The following VCPIP1 variants were observed in gnomAD, a reference collection of about 807,000 sequenced individuals.
VCPIP1 encodes the protein valosin containing protein interacting protein 1, also known as deubiquitinating protein VCPIP1.
In VCPIP1, 8 loss-of-function variants were observed where a neutral mutation model predicts 85.0. The ratio of observed to expected loss-of-function variants is 0.09; its 90% CI spans 0.06 to 0.17. The LOEUF is 0.17. Among genes scored for constraint, VCPIP1 ranks in the 10% least tolerant of loss-of-function variants. The pLI is 1.00. For missense variants in VCPIP1, 1,070 were observed against 1,486.3 expected (o/e 0.72, Z 4.61); for synonymous variants, 543 against 544.5 (o/e 1.00, Z 0.04).
At chr8:66,638,985 T>TAC (rs1554584188) in intron 2 of VCPIP1, among the ~76,000 whole-genome samples, 36 of 149,034 alleles carry the variant, frequency 2.4e-4, no homozygotes, top group Middle Eastern at 3.4e-3. Flanking sequence ...TATATATATA[T>TAC]ACATATATTT....
chr8:66,659,152 T>C (rs1811130804), intron 1 of VCPIP1, among the ~76,000 whole-genome samples: 2 of 151,858 alleles, frequency 1.3e-5, no homozygotes, highest in East Asian at 1.9e-4. Flanking sequence ...GTACCACCTA[T>C]CCTGTCTACC....
chr8:66,644,849 G>C (rs1021773566), intron 2 of VCPIP1, among the ~76,000 whole-genome samples: 3 of 151,890 alleles, frequency 2.0e-5, no homozygotes, highest in Admixed American at 1.3e-4. Context: ...TGTAATCCTA[G>C]CACTTTGGGA....
chr8:66,662,185 A>G (rs1285054537), intron 1 of VCPIP1, among the ~76,000 whole-genome samples: 1 of 152,178 alleles, frequency 6.6e-6, no homozygotes, highest in East Asian at 1.9e-4. Context: ...CCTGTACATC[A>G]AAACTTGTTA....
chr8:66,664,049 ACTTT>A (rs573052171), intron 1 of VCPIP1, among the ~76,000 whole-genome samples, 196 bp downstream of exon 1: 17 of 152,198 alleles, frequency 1.1e-4, no homozygotes, highest in East Asian at 1.9e-4. Context: ...GACTACCTTA[ACTTT>A]CTATTTTCCT....
intron 2 of VCPIP1, among the ~76,000 whole-genome samples, chr8:66,647,113 C>T (rs1811003933): frequency 1.3e-5 from 2 of 151,966 alleles, no homozygotes; most frequent in African/African-American, 4.8e-5. Flanking sequence ...GAGGCCAAGG[C>T]GGATGGACCA....
intron 1 of VCPIP1, among the ~76,000 whole-genome samples, chr8:66,659,031 C>T (rs1811128046): frequency 6.6e-6 from 1 of 152,072 alleles, no homozygotes; most frequent in Non-Finnish European, 1.5e-5. Flanking sequence ...CTGTTCTTCA[C>T]CTAAATCTGT....
intron 1 of VCPIP1, among the ~76,000 whole-genome samples, chr8:66,658,337 GAAA>G (rs776440765): frequency 1.8e-5 from 2 of 110,264 alleles, no homozygotes; most frequent in African/African-American, 3.5e-5. Flanking sequence ...CCATCTTGGG[GAAA>G]AAAAAAAAAA....
Position 66,635,386 on chromosome 8 carries a change from A to C in VCPIP1, c.2798-14T>G. ...CATCAGCCATACCTAAAAAGGGGAA[A>C]AGATATTTAACATATTAAAATCTTA... On this transcript the variant is annotated splice_polypyrimidine_tract_variant and intron_variant, in intron 2 of 2. Coordinates refer to ENST00000310421, the MANE Select transcript of VCPIP1 (RefSeq NM_025054.5). 6.3e-7 allele frequency: 1 copy of C among 1,587,838 alleles called. No homozygotes were observed. The highest frequency in any genetic ancestry group is 8.5e-7 in the Non-Finnish European group (1 of 1,170,118).
rs1810869204 is a variant in VCPIP1 at position 66,634,892 on chromosome 8, T to C, written c.3278A>G (p.Asp1093Gly). ...CAAATCAGGATCAAGCTGCCTGCCG[T>C]CTCTCATTGTTACTACTCCAGGAGC... ...RIAPGVVTMR[D>G]GRQLDPDLVE... The change falls in exon 3 of 3, where the codon GAC becomes GGC. Residue 1093 changes from aspartate to glycine, a missense_variant. Physicochemically the swap from Asp to Gly is moderately conservative, Grantham distance 94. This residue lies in a region of VCPIP1 where 255 missense variants were observed against 289.5 expected (regional missense o/e 0.88). Transcript: ENST00000310421. 1 of 1,613,980 alleles carries C rather than the reference T, an allele frequency of 6.2e-7. No homozygotes were observed. The highest frequency in any genetic ancestry group is 8.5e-7 in the Non-Finnish European group (1 of 1,179,964).
intron 2 of VCPIP1, among the ~76,000 whole-genome samples, chr8:66,646,964 G>A (rs1215081915): frequency 6.6e-6 from 1 of 152,194 alleles, no homozygotes; most frequent in Non-Finnish European, 1.5e-5. Context: ...GGCAGAGGTT[G>A]CAGTGAGCCA....
chr8:66,663,202 A>G (rs752287371), intron 1 of VCPIP1, among the ~76,000 whole-genome samples: 4 of 152,244 alleles, frequency 2.6e-5, no homozygotes, highest in Middle Eastern at 3.4e-3. Flanking sequence ...ACTAAAATCA[A>G]CAATTCCGGG....
Position 66,667,164 on chromosome 8 carries a change from G to A in VCPIP1, c.-206C>T, listed in dbSNP as rs1173310057. 7.0e-6 allele frequency: 8 copies of A among 1,144,510 alleles called. No homozygotes were observed. Among genetic ancestry groups the A allele is most frequent in the Non-Finnish European group, 8.2e-6 (7 of 856,302 alleles). The allele number at this position is 1,144,510 out of a possible 1,614,324, so 70.9% of individuals were successfully genotyped here. On this transcript the variant is annotated 5_prime_UTR_variant, in exon 1 of 3. Coordinates refer to ENST00000310421, the MANE Select transcript of VCPIP1 (RefSeq NM_025054.5). ...TCTCCACTGCCGTAGCCGTTGCCCC[G>A]AACGTAACGGCCACCACCCCACCCC...
In VCPIP1 at chr8:66,665,532, G is replaced by A. The variant is rs990829806; in HGVS notation, c.1427C>T (p.Ser476Phe). 6.2e-7 allele frequency: 1 copy of A among 1,613,972 alleles called. No individual in the cohort carries two copies. The highest frequency in any genetic ancestry group is 8.5e-7 in the Non-Finnish European group (1 of 1,179,970). ...CCACTCTGGAGGAACATGAAGTTCA[G>A]AAAGGGCACCACAGAGCAAACATTT... ...LHKCLLCGAL[S>F]ELHVPPEWLA... is the part of the protein sequence containing the mutation. The change falls in exon 1 of 3, where the codon TCT becomes TTT. Residue 476 changes from serine (S) to phenylalanine (F), a missense_variant. By Grantham distance (155) the Ser-to-Phe change is radical (BLOSUM62 -2). Coordinates refer to ENST00000310421, the MANE Select transcript of VCPIP1 (RefSeq NM_025054.5). This position sits in a 1 kb window ranked among gnomAD's most constrained non-coding sequence, Gnocchi z 4.3.
Position 66,665,154 on chromosome 8 carries a change from A to G in VCPIP1, c.1805T>C (p.Val602Ala), listed in dbSNP as rs1811195613. The G allele has an allele frequency of 6.2e-7, 1 of 1,611,024 alleles. No individual in the cohort carries two copies. The highest frequency in any genetic ancestry group is 1.7e-5 in the Admixed American group (1 of 59,754). The change falls in exon 1 of 3, where the codon GTG (valine) becomes GCG (alanine). Residue 602 changes from valine (V) to alanine (A), a missense_variant. Around this residue, in one of 8 missense-constraint regions of VCPIP1, gnomAD observed 123 missense variants for 156.3 expected, o/e 0.79. Transcript: ENST00000310421. This position sits in a 1 kb window ranked among gnomAD's most constrained non-coding sequence, Gnocchi z 4.3. ...GAACCAATATACTGTTTCTCTGACCACTCTTCCACCCCATTCTAAAGTAAT... is the reference window on the plus strand; with the variant it reads ...GAACCAATATACTGTTTCTCTGACCGCTCTTCCACCCCATTCTAAAGTAAT... ...FPITLEWGGRVVRETVYWFQY... is the reference protein window; with the variant it reads ...FPITLEWGGRAVRETVYWFQY...
At position 66,665,073 on chromosome 8, in the gene VCPIP1, A is replaced by G; in HGVS notation, c.1886T>C (p.Leu629Pro). The G allele has an allele frequency of 6.2e-7, 1 of 1,614,082 alleles. No homozygotes were observed. The highest frequency in any genetic ancestry group is 8.5e-7 in the Non-Finnish European group (1 of 1,179,962). The change falls in exon 1 of 3, where the codon CTT becomes CCT. Residue 629 changes from leucine to proline, a missense_variant. Around this residue, in one of 8 missense-constraint regions of VCPIP1, gnomAD observed 123 missense variants for 156.3 expected, o/e 0.79. Transcript: ENST00000310421. This position sits in a 1 kb window ranked among gnomAD's most constrained non-coding sequence, Gnocchi z 4.3. ...TTCACCTGGAAAGTGCTTGGTAACA[A>G]GTTTCATTGCAACATCGTAAACATT... ...NSNVYDVAMK[L>P]VTKHFPGEFG... is the part of the protein sequence containing the mutation.
Position 66,630,379 on chromosome 8 carries a change from C to T in VCPIP1, c.*4122G>A, listed in dbSNP as rs1810822401. ...GTATCATTTCCCTCCAAAAAGTAGA[C>T]TTTCCAGTTCTTGGCACTAATTCTT... is the stretch of plus-strand genomic sequence containing the variant. On this transcript the variant is annotated 3_prime_UTR_variant, in exon 3 of 3. Coordinates refer to ENST00000310421, the MANE Select transcript of VCPIP1 (RefSeq NM_025054.5). 6.6e-6 allele frequency: 1 copy of T among 152,574 alleles called. No homozygotes were observed. Among genetic ancestry groups the T allele is most frequent in the Non-Finnish European group, 1.5e-5 (1 of 68,016 alleles). 9.5% of individuals were successfully genotyped at this position (152,574 alleles called of 1,614,324 possible).
chr8:66,665,651 A>G lies in VCPIP1; in HGVS notation c.1308T>C (p.His436=). The change falls in exon 1 of 3, where the codon CAT becomes CAC. Residue 436 remains histidine, a synonymous_variant. Coordinates refer to ENST00000310421, the MANE Select transcript of VCPIP1 (RefSeq NM_025054.5). This position sits in a 1 kb window ranked among gnomAD's most constrained non-coding sequence, Gnocchi z 4.3. ...GIHPSLVADV[H]QYFYRRTGVI... ...CTCCAGTCCTTCTGTAGAAATACTG[A>G]TGGACATCAGCAACCAAACTAGGAT... 6.2e-7 allele frequency: 1 copy of G among 1,614,168 alleles called. No homozygotes were observed. The highest frequency in any genetic ancestry group is 1.3e-5 in the African/African-American group (1 of 75,044).
At chr8:66,662,944 A>G (rs1359078728) in intron 1 of VCPIP1, among the ~76,000 whole-genome samples, 2 of 151,948 alleles carry the variant, frequency 1.3e-5, no homozygotes, top group Non-Finnish European at 2.9e-5. Context: ...GTCTCTACTA[A>G]AAATACAAAA....
intron 1 of VCPIP1, among the ~76,000 whole-genome samples, chr8:66,658,196 T>C (rs909435250): frequency 6.6e-6 from 1 of 151,784 alleles, no homozygotes; most frequent in Non-Finnish European, 1.5e-5. Flanking sequence ...TAGCCAGGTG[T>C]TGTGGCAGGC....
Sources: allele counts gnomAD v4.1 joint callset (sites outside exome capture counted in the v4.1 genomes callset), GRCh38; gene constraint gnomAD v4.1.1; regional missense constraint gnomAD v4.1.1; non-coding constraint Gnocchi (gnomAD v3.1); transcripts MANE v1.5; gene names NCBI Gene and HGNC (gene_info 2026-07-23, HGNC 2026-07-21).